Variants in VPS35L observed in about 807,000 individuals in gnomAD.
VPS35L encodes the protein VPS35 endosomal protein sorting factor like.
VPS35L carries 83 observed loss-of-function variants against 133.0 expected under a neutral mutation model. The observed-to-expected ratio is 0.62, with a 90% CI of 0.52 to 0.75. VPS35L has a LOEUF of 0.75. VPS35L is among the 30% of genes least tolerant of loss of function. The pLI is 0.00. For synonymous variants in VPS35L, 423 were observed against 449.9 expected (o/e 0.94, Z 0.76); for missense variants, 1,083 against 1,206.8 (o/e 0.90, Z 1.52).
chr16:19,645,294 T>C (rs868326732), intron 23 of VPS35L, among the ~76,000 whole-genome samples: 4 of 148,484 alleles, frequency 2.7e-5, no homozygotes, highest in Non-Finnish European at 4.5e-5. Context: ...TTTTTTCTTT[T>C]TTTTTTTTTT....
chr16:19,581,595 C>G lies in VPS35L; in HGVS notation c.581C>G (p.Ser194Trp). 3 of 1,614,114 alleles carry G rather than the reference C, an allele frequency of 1.9e-6. No homozygotes were observed. The highest frequency in any genetic ancestry group is 2.5e-6 in the Non-Finnish European group (3 of 1,179,994). ...YVNRIEELNQSLKDAWASDQK... is the reference protein window; with the variant it reads ...YVNRIEELNQWLKDAWASDQK... ...AACCGCATAGAGGAGCTCAACCAAT[C>G]GCTGAAGGATGCCTGGGCCTCAGAC... The change falls in exon 7 of 31, where the codon TCG (serine) becomes TGG (tryptophan). Residue 194 changes from serine (S) to tryptophan (W), a missense_variant. Transcript: ENST00000417362.
intron 8 of VPS35L, 144 bp downstream of exon 8, chr16:19,592,018 C>T (rs190050384): frequency 3.5e-5 from 21 of 596,764 alleles, no homozygotes; most frequent in Middle Eastern, 3.9e-4. Flanking sequence ...TTCCCCCCCA[C>T]GCCCATTAAT....
chr16:19,616,033 A>G (rs1281890990), intron 12 of VPS35L, 81 bp from the exon 13 acceptor site: 1 of 845,438 alleles, frequency 1.2e-6, no homozygotes, highest in Non-Finnish European at 1.9e-6. Context: ...AAACATAGGT[A>G]TATATATTTT....
At position 19,600,969 on chromosome 16, in the gene VPS35L, A is replaced by G. The variant is rs539863663; in HGVS notation, c.725-695A>G. On this transcript the variant is annotated intron_variant, in intron 8 of 30. Coordinates refer to ENST00000417362, the MANE Select transcript of VPS35L (RefSeq NM_020314.7). The stretch of plus-strand genomic sequence containing the variant: ...GTTTGAGACAGGGTCTTGCTCTCTC[A>G]CCCAGGCTGGAGGGCAGTGGGTGAT... 7.2e-5 allele frequency among the ~76,000 whole-genome samples: 11 copies of G among 152,246 alleles called. No individual in the cohort carries two copies. In the East Asian group the frequency reaches 1.9e-3, roughly 27 times the overall value.
chr16:19,604,618 G>T (rs561605226), intron 9 of VPS35L, among the ~76,000 whole-genome samples: 37 of 152,264 alleles, frequency 2.4e-4, no homozygotes, highest in Non-Finnish European at 5.0e-4. Flanking sequence ...AGTTGTTGGT[G>T]ATCTGAGGAA....
chr16:19,614,895 A>G (rs529653596), intron 12 of VPS35L, among the ~76,000 whole-genome samples: 7 of 152,352 alleles, frequency 4.6e-5, no homozygotes, highest in Admixed American at 4.6e-4. Context: ...TTCTTCAGCT[A>G]GAAATGTTAC....
At chr16:19,681,573 T>A (rs1467162777) in intron 27 of VPS35L, among the ~76,000 whole-genome samples, 3 of 152,216 alleles carry the variant, frequency 2.0e-5, no homozygotes, top group Non-Finnish European at 2.9e-5. Flanking sequence ...CATACACCTT[T>A]TTGGAATGGA....
At chr16:19,700,240 C>G in intron 30 of VPS35L, 138 bp from the exon 31 acceptor site, 705 of 648,824 alleles carry the variant, frequency 1.1e-3, no homozygotes, top group Non-Finnish European at 1.7e-3. Context: ...ACTTTGATTT[C>G]TTCCCTCCTC....
intron 9 of VPS35L, among the ~76,000 whole-genome samples, chr16:19,606,789 A>G (rs1450550186): frequency 2.6e-5 from 4 of 152,196 alleles, no homozygotes; most frequent in Admixed American, 6.5e-5. Context: ...GAATAAATAA[A>G]TAAGGTCTTG....
chr16:19,563,089 G>A (rs1022817202), intron 1 of VPS35L, among the ~76,000 whole-genome samples: 3 of 151,900 alleles, frequency 2.0e-5, no homozygotes, highest in Non-Finnish European at 2.9e-5. Flanking sequence ...AAAGGAAAAC[G>A]GATACTTTAT....
intron 26 of VPS35L, among the ~76,000 whole-genome samples, chr16:19,663,965 T>C (rs1017025608): frequency 1.3e-5 from 2 of 152,068 alleles, no homozygotes; most frequent in Non-Finnish European, 2.9e-5. Flanking sequence ...GTGTTCTGAG[T>C]GTTTGATTTC....
Position 19,626,162 on chromosome 16 carries a change from T to C in VPS35L, c.1225-15T>C, listed in dbSNP as rs1220113417. The C allele has an allele frequency of 6.5e-6, 10 of 1,541,392 alleles. No individual in the cohort carries two copies. The highest frequency in any genetic ancestry group is 8.8e-6 in the Non-Finnish European group (10 of 1,138,174). Reference sequence around the variant, plus strand: ...CAACCTGATTTTTTAATTATTATTATTTTTAACATAATAGGCTCTGCTGAC... The same window carrying C: ...CAACCTGATTTTTTAATTATTATTACTTTTAACATAATAGGCTCTGCTGAC... On this transcript the variant is annotated splice_polypyrimidine_tract_variant and intron_variant, in intron 14 of 30. Transcript: ENST00000417362.
intron 20 of VPS35L, 25 bp downstream of exon 20, chr16:19,637,681 T>C (rs1973664529): frequency 1.3e-6 from 2 of 1,505,398 alleles, no homozygotes; most frequent in African/African-American, 1.4e-5. Context: ...TTAATTATCT[T>C]TGGAAATTTG....
Position 19,673,676 on chromosome 16 carries a change from CAA to C in VPS35L, c.2361+4379_2361+4380del, listed in dbSNP as rs377581821. On this transcript the variant is annotated intron_variant, in intron 27 of 30. Transcript: ENST00000417362. ...GCTGGGGTTTAGTAATGATATGAGA[CAA>C]AGAATAGCTGCAGTTCACAACACCT... Among the ~76,000 whole-genome samples, 360 of 152,268 alleles carry C rather than the reference CAA, an allele frequency of 2.4e-3. 2 individuals carry two copies. Among genetic ancestry groups the C allele is most frequent in the African/African-American group, 8.0e-3 (331 of 41,550 alleles).
chr16:19,672,008 G>A (rs1040938523), intron 27 of VPS35L, among the ~76,000 whole-genome samples: 1 of 152,118 alleles, frequency 6.6e-6, no homozygotes, highest in Non-Finnish European at 1.5e-5. Flanking sequence ...TTTTGAGAAG[G>A]GGTCTTGCTG....
Position 19,693,329 on chromosome 16 carries a change from G to C in VPS35L, c.2646+1858G>C, listed in dbSNP as rs142263798. The stretch of plus-strand genomic sequence containing the variant: ...GCAATGAAGAGAGGTTGGTTAATGG[G>C]TACAAAGATAGATACAGTTAGAAGG... On this transcript the variant is annotated intron_variant, in intron 29 of 30. Coordinates refer to ENST00000417362, the MANE Select transcript of VPS35L (RefSeq NM_020314.7). 2.2e-3 allele frequency among the ~76,000 whole-genome samples: 334 copies of C among 152,152 alleles called. 2 individuals carry two copies. The highest frequency in any genetic ancestry group is 3.1e-3 in the Non-Finnish European group (209 of 68,000).
chr16:19,564,743 A>G (rs1971133947), intron 1 of VPS35L, 108 bp from the exon 2 acceptor site: 1 of 732,760 alleles, frequency 1.4e-6, no homozygotes, highest in Admixed American at 2.9e-5. Flanking sequence ...CTTTGGTGGG[A>G]ATATTGTGCT....
intron 12 of VPS35L, among the ~76,000 whole-genome samples, chr16:19,611,564 C>T (rs931175194): frequency 4.6e-5 from 7 of 152,122 alleles, no homozygotes; most frequent in Admixed American, 1.3e-4. Context: ...CAGCAAATGT[C>T]GGAAGCCCTG....
chr16:19,583,663 A>G (rs949868959), intron 7 of VPS35L, among the ~76,000 whole-genome samples: 1 of 151,756 alleles, frequency 6.6e-6, no homozygotes, highest in African/African-American at 2.4e-5. Flanking sequence ...TGGAGGTTGC[A>G]GTGAGCCGAG....
Sources: gnomAD v4.1 joint callset for allele counts (sites outside exome capture counted in the v4.1 genomes callset) on GRCh38, gnomAD v4.1.1 for gene constraint, MANE v1.5 for transcripts, NCBI Gene and HGNC (gene_info 2026-07-23, HGNC 2026-07-21) for gene names.